Variants in TNRC6B observed in about 807,000 individuals in gnomAD.
TNRC6B encodes trinucleotide repeat containing adaptor 6B.
Under a neutral mutation model 203.6 loss-of-function variants are expected in TNRC6B, and 52 were observed. The observed-to-expected ratio is 0.26, with a 90% confidence interval of 0.20 to 0.32. TNRC6B has a LOEUF of 0.32. Ranked by LOEUF, TNRC6B falls within the 10% of genes least tolerant of loss-of-function variation. The probability of loss-of-function intolerance (pLI) is 1.00; values close to 1 mark genes in which losing one functional copy is unlikely to be tolerated. For synonymous variants in TNRC6B, 838 were observed against 845.7 expected, an observed-to-expected ratio of 0.99 and a Z score of 0.16; for missense variants, 1,923 against 2,286.2, an observed-to-expected ratio of 0.84 and a Z score of 3.24.
chr22:40,164,237 A>T (rs922635827), intron 4 of TNRC6B, among the ~76,000 whole-genome samples: 3 of 150,518 alleles, frequency 2.0e-5, no homozygotes, highest in African/African-American at 7.3e-5. Flanking sequence ...AAAAAAAAAA[A>T]ATTAGCCAGG....
At chr22:40,079,273 C>T (rs1200877875) in intron 1 of TNRC6B, among the ~76,000 whole-genome samples, 2 of 152,080 alleles carry the variant, frequency 1.3e-5, no homozygotes, top group Admixed American at 6.5e-5. Context: ...ATCCTGGAAG[C>T]TCTAAGATGC....
chr22:40,261,659 C>T (rs2070384815), intron 3 of TNRC6B, among the ~76,000 whole-genome samples, 173 bp from the exon 4 acceptor site: 1 of 152,030 alleles, frequency 6.6e-6, no homozygotes, highest in African/African-American at 2.4e-5. Flanking sequence ...TCTTGTAATT[C>T]TAGCACTTTG....
rs765521625 is a variant in TNRC6B, at chr22:40,321,282, G to A, written c.5114+53G>A. 26 of 1,588,830 alleles carry A rather than the reference G, an allele frequency of 1.6e-5. No individual in the cohort carries two copies. In the East Asian group the frequency reaches 3.4e-4, roughly 21 times the overall value. On this transcript the variant is annotated intron_variant, in intron 22 of 22. Transcript: ENST00000454349. ...GACAAACATGCATGAAGATGCACCC[G>A]TGAGTATTCTGGCAGCTGCTGAATT...
chr22:40,235,817 TC>T (rs1288538543), intron 1 of TNRC6B, among the ~76,000 whole-genome samples: 1 of 152,168 alleles, frequency 6.6e-6, no homozygotes, highest in Non-Finnish European at 1.5e-5. Context: ...TTTTTGGAAA[TC>T]TATTTCTGTA....
intron 1 of TNRC6B, among the ~76,000 whole-genome samples, chr22:40,114,582 C>G (rs1427054798): frequency 1.3e-5 from 2 of 152,176 alleles, no homozygotes; most frequent in Non-Finnish European, 2.9e-5. Flanking sequence ...CTCGGCCTCT[C>G]AAAGTGAAGT....
intron 6 of TNRC6B, among the ~76,000 whole-genome samples, chr22:40,270,815 T>C (rs961267285): frequency 6.6e-6 from 1 of 152,230 alleles, no homozygotes; most frequent in Non-Finnish European, 1.5e-5. Context: ...AAGTTAATTT[T>C]GTTTTAAATT....
chr22:40,246,196 A>C, intron 2 of TNRC6B, 94 bp downstream of exon 2: 1 of 1,024,354 alleles, frequency 9.8e-7, no homozygotes, highest in Non-Finnish European at 1.4e-6. Flanking sequence ...GATATCTTTT[A>C]TTTTTTTTCC....
intron 1 of TNRC6B, among the ~76,000 whole-genome samples, chr22:40,181,459 T>C (rs2069127838): frequency 5.3e-5 from 8 of 152,252 alleles, no homozygotes; most frequent in Admixed American, 5.2e-4. Context: ...CAGTTTAAGC[T>C]GGACACAGCC....
chr22:40,321,239 C>T lies in TNRC6B; in HGVS notation c.5114+10C>T, dbSNP rs115041661. On this transcript the variant is annotated intron_variant, in intron 22 of 22. Coordinates refer to ENST00000454349, the MANE Select transcript of TNRC6B (RefSeq NM_001162501.2). ...AAACTGCACTGCACATGTGAGTATT[C>T]GGTCCTACACCCACGTAGACAAACA... The T allele has an allele frequency of 7.6e-4, 1,231 of 1,613,134 alleles. 8 individuals are homozygous for T. In the African/African-American group the frequency reaches 0.012, roughly 16 times the overall value.
intron 1 of TNRC6B, among the ~76,000 whole-genome samples, chr22:40,111,022 C>T (rs1407157287): frequency 1.3e-5 from 2 of 152,166 alleles, no homozygotes; most frequent in African/African-American, 4.8e-5. Context: ...TGTACACACA[C>T]ATAAGCAAGC....
intron 1 of TNRC6B, among the ~76,000 whole-genome samples, chr22:40,201,594 C>T (rs577177847): frequency 6.6e-6 from 1 of 151,846 alleles, no homozygotes; most frequent in Non-Finnish European, 1.5e-5. Context: ...CTCTACTACA[C>T]CTGGCTAATT....
At chr22:40,149,635 A>G (rs929066293) in intron 3 of TNRC6B, among the ~76,000 whole-genome samples, 1 of 145,084 alleles carries the variant, frequency 6.9e-6, no homozygotes, top group Admixed American at 7.3e-5. Flanking sequence ...GCGCCATTGC[A>G]CTACAGCCTG....
intron 1 of TNRC6B, among the ~76,000 whole-genome samples, chr22:40,109,216 C>G (rs1453570059): frequency 6.6e-6 from 1 of 152,080 alleles, no homozygotes; most frequent in African/African-American, 2.4e-5. Context: ...CATGTCTTTG[C>G]TGTTGTGAAT....
chr22:40,196,019 C>T lies in TNRC6B; in HGVS notation c.5+17879C>T, dbSNP rs1601875025. Among the ~76,000 whole-genome samples, 5 of 151,848 alleles carry T rather than the reference C, an allele frequency of 3.3e-5. No individual in the cohort carries two copies. In the South Asian group the frequency reaches 1.0e-3, roughly 31 times the overall value. Reference sequence around the variant, plus strand: ...GTCTCAATCTCCTGACCTCGTGATCCGTCTGCCTCAGCCTCCCAAAGTCCT... The same window carrying T: ...GTCTCAATCTCCTGACCTCGTGATCTGTCTGCCTCAGCCTCCCAAAGTCCT... On this transcript the variant is annotated intron_variant, in intron 1 of 22. Coordinates refer to ENST00000454349, the MANE Select transcript of TNRC6B (RefSeq NM_001162501.2).
intron 1 of TNRC6B, among the ~76,000 whole-genome samples, chr22:40,234,812 T>C (rs1039252674): frequency 4.6e-5 from 7 of 152,242 alleles, no homozygotes; most frequent in African/African-American, 1.7e-4. Flanking sequence ...CCTTGTCTGC[T>C]AATTTAATAT....
chr22:40,301,107 T>C, intron 14 of TNRC6B, 43 bp from the exon 15 acceptor site: 1 of 1,554,054 alleles, frequency 6.4e-7, no homozygotes, highest in Non-Finnish European at 8.7e-7. Flanking sequence ...CCTGGGAAGT[T>C]CGGGGCCGTG....
rs2070717714 is a variant in TNRC6B at position 40,281,201 on chromosome 22, A to G, written c.3494A>G (p.Lys1165Arg). ...CSPFSPSPSY[K>R]LSPSGSTLPN... Reference sequence around the variant, plus strand: ...CCCTTCTCCCCTTCTCCCAGCTACAAGCTGTCTCCCTCTGGTTCCACACTA... The same window carrying G: ...CCCTTCTCCCCTTCTCCCAGCTACAGGCTGTCTCCCTCTGGTTCCACACTA... The change falls in exon 11 of 23, where the codon AAG becomes AGG. Residue 1165 changes from lysine to arginine, a missense_variant. By Grantham distance (26) the Lys-to-Arg change is conservative (BLOSUM62 2). Transcript: ENST00000454349. 1 of 1,551,434 alleles carries G rather than the reference A, an allele frequency of 6.4e-7. No homozygotes were observed. The highest frequency in any genetic ancestry group is 2.0e-5 in the Admixed American group (1 of 50,958).
rs1342327833 is a variant in TNRC6B, at chr22:40,333,813, T to A, written c.*10572T>A. 1 of 152,660 alleles carries A rather than the reference T, an allele frequency of 6.6e-6. No homozygotes were observed. Among genetic ancestry groups the A allele is most frequent in the African/African-American group, 2.4e-5 (1 of 41,458 alleles). 9.5% of individuals were successfully genotyped at this position (152,660 alleles called of 1,614,324 possible). A position where few individuals can be genotyped will look rare whatever the true frequency, so the allele number is the denominator to read the frequency against. ...AACAAATGCTGCTCATGTGGATCTG[T>A]CAGCTATTGCTTGCCTAGATTTGGG... On this transcript the variant is annotated 3_prime_UTR_variant, in exon 23 of 23. Transcript: ENST00000454349.
intron 4 of TNRC6B, among the ~76,000 whole-genome samples, chr22:40,156,700 C>G (rs1196170426): frequency 6.6e-6 from 1 of 150,462 alleles, no homozygotes; most frequent in Non-Finnish European, 1.5e-5. Context: ...GCCAACATTC[C>G]AAATAATTCA....
Sources: gnomAD v4.1 joint callset for allele counts (sites outside exome capture counted in the v4.1 genomes callset) on GRCh38, gnomAD v4.1.1 for gene constraint, MANE v1.5 for transcripts, NCBI Gene and HGNC (gene_info 2026-07-23, HGNC 2026-07-21) for gene names.